Variants in TRAPPC10 observed in about 807,000 individuals in gnomAD.
TRAPPC10 encodes the protein trafficking protein particle complex subunit 10, also known as TRAPP 130 kDa subunit.
In TRAPPC10, 23 loss-of-function variants were observed where a neutral mutation model predicts 125.5. That is an observed-to-expected ratio of 0.18 (90% confidence interval 0.13 to 0.26). The LOEUF (loss-of-function observed/expected upper bound fraction) is 0.26. Among genes scored for constraint, TRAPPC10 ranks in the 10% least tolerant of loss-of-function variants. TRAPPC10 has a pLI of 1.00. For synonymous variants in TRAPPC10, 509 were observed against 518.0 expected (o/e 0.98, Z 0.24); for missense variants, 1,123 against 1,308.4 (o/e 0.86, Z 2.19).
At position 44,063,033 on chromosome 21, in the gene TRAPPC10, C is replaced by G; in HGVS notation, c.791-505C>G. 1 of 1,304,278 alleles carries G rather than the reference C, an allele frequency of 7.7e-7. No homozygotes were observed. Among genetic ancestry groups the G allele is most frequent in the Non-Finnish European group, 1.0e-6 (1 of 989,036 alleles). The allele number at this position is 1,304,278 out of a possible 1,614,324, so 80.8% of individuals were successfully genotyped here. On this transcript the variant is annotated intron_variant, in intron 6 of 22. Transcript: ENST00000291574. This position sits in a 1 kb window ranked among gnomAD's most constrained non-coding sequence, Gnocchi z 4.4. ...TCCTTCTATGTGCTGCTACCAAGTCCTCCCTGTCCCTTCCTCCAGGAGCTT... is the reference window on the plus strand; with the variant it reads ...TCCTTCTATGTGCTGCTACCAAGTCGTCCCTGTCCCTTCCTCCAGGAGCTT...
intron 5 of TRAPPC10, among the ~76,000 whole-genome samples, chr21:44,058,124 G>C (rs1301550486): frequency 6.6e-6 from 1 of 152,294 alleles, no homozygotes; most frequent in Non-Finnish European, 1.5e-5. Flanking sequence ...AGGAAGTGAC[G>C]CATATGCTAG....
At chr21:44,092,819 G>A (rs1202595960) in intron 19 of TRAPPC10, among the ~76,000 whole-genome samples, 3 of 151,882 alleles carry the variant, frequency 2.0e-5, no homozygotes, top group Admixed American at 6.6e-5. Flanking sequence ...TTTTTGAGAT[G>A]GAGTTTCGTT....
At chr21:44,037,392 GCAACCC>G (rs1371214523) in intron 2 of TRAPPC10, among the ~76,000 whole-genome samples, 4 of 152,174 alleles carry the variant, frequency 2.6e-5, no homozygotes, top group African/African-American at 9.7e-5. Flanking sequence ...AAATACGAAT[GCAACCC>G]TAAAGCTTTC....
intron 19 of TRAPPC10, among the ~76,000 whole-genome samples, chr21:44,092,770 A>AT (rs11431329): frequency 1 from 152,253 of 152,256 alleles, 76,125 homozygotes; most frequent in Non-Finnish European, 1. Flanking sequence ...GGATGTAAAG[A>AT]TTACTTTTTA....
At chr21:44,086,762 G>T (rs564387562) in intron 15 of TRAPPC10, 40 bp from the exon 16 acceptor site, 2 of 1,606,196 alleles carry the variant, frequency 1.2e-6, no homozygotes, top group South Asian at 1.1e-5. Flanking sequence ...GCTGTCTTCC[G>T]GTTGGCAGCG....
At chr21:44,080,151 A>G in intron 13 of TRAPPC10, 24 bp downstream of exon 13, 1 of 1,580,984 alleles carries the variant, frequency 6.3e-7, no homozygotes, top group South Asian at 1.1e-5. Context: ...TTACAACTTG[A>G]CTAGGAATAT....
chr21:44,075,069 G>A lies in TRAPPC10; in HGVS notation c.1216G>A (p.Val406Met). 6.2e-7 allele frequency: 1 copy of A among 1,614,160 alleles called. No individual in the cohort carries two copies. The highest frequency in any genetic ancestry group is 8.5e-7 in the Non-Finnish European group (1 of 1,179,996). Reference sequence around the variant, plus strand: ...GTCCTTGGGCTATCTATGTGGACTTGTGTCAGAGAAAGGACCTAACTCAGA... The same window carrying A: ...GTCCTTGGGCTATCTATGTGGACTTATGTCAGAGAAAGGACCTAACTCAGA... Reference protein sequence around the residue: ...LKSLGYLCGLVSEKGPNSEDL... With the variant: ...LKSLGYLCGLMSEKGPNSEDL... Residue 406 changes from valine to methionine, a missense_variant, in exon 9 of 23, where the codon GTG becomes ATG. By Grantham distance (21) the Val-to-Met change is conservative (BLOSUM62 1). This residue lies in a region of TRAPPC10 where 840 missense variants were observed against 902.0 expected (regional missense o/e 0.93). Coordinates refer to ENST00000291574, the MANE Select transcript of TRAPPC10 (RefSeq NM_003274.5).
At chr21:44,081,017 CTTTTTTTTTTT>C (rs67865929) in intron 13 of TRAPPC10, among the ~76,000 whole-genome samples, 99 of 97,228 alleles carry the variant, frequency 1.0e-3, no homozygotes, top group Non-Finnish European at 1.6e-3. Flanking sequence ...TTTTTTTTTT[CTTTTTTTTTTT>C]TTTTTTTTTG....
intron 7 of TRAPPC10, among the ~76,000 whole-genome samples, chr21:44,071,963 C>T (rs759391984): frequency 6.6e-6 from 1 of 152,188 alleles, no homozygotes; most frequent in Non-Finnish European, 1.5e-5. Flanking sequence ...CTCCCACCTC[C>T]TTCAGGATGG....
In TRAPPC10 at chr21:44,084,978, T is replaced by C. The variant is rs531794136; in HGVS notation, c.2380+715T>C. Among the ~76,000 whole-genome samples the C allele has an allele frequency of 2.0e-5, 3 of 152,350 alleles. No homozygotes were observed. The East Asian group carries it at 5.8e-4, about 29-fold the overall frequency. ...GGGCGCCACCCTCCAGGAACCTCCA[T>C]GTGTTCAGCTGCCTGAAAGCTCTCC... On this transcript the variant is annotated intron_variant, in intron 15 of 22. Coordinates refer to ENST00000291574, the MANE Select transcript of TRAPPC10 (RefSeq NM_003274.5).
chr21:44,067,390 T>C (rs1409936318), intron 7 of TRAPPC10, among the ~76,000 whole-genome samples: 1 of 152,160 alleles, frequency 6.6e-6, no homozygotes. Flanking sequence ...CCCGACACCC[T>C]GCTGGGTGGG....
rs550421198 is a variant in TRAPPC10 at position 44,061,197 on chromosome 21, C to T, written c.790+1983C>T. Among the ~76,000 whole-genome samples the T allele has an allele frequency of 2.2e-4, 34 of 151,934 alleles. 1 individual carries two copies. The South Asian group carries it at 6.9e-3, about 31-fold the overall frequency. ...TGTAGCCCAGGCTGGAGTGCAGTGGCGCCATCTCGGCTCACTGCAACCTCC... is the reference window on the plus strand; with the variant it reads ...TGTAGCCCAGGCTGGAGTGCAGTGGTGCCATCTCGGCTCACTGCAACCTCC... On this transcript the variant is annotated intron_variant, in intron 6 of 22. Coordinates refer to ENST00000291574, the MANE Select transcript of TRAPPC10 (RefSeq NM_003274.5).
chr21:44,032,236 T>C, intron 2 of TRAPPC10, 64 bp downstream of exon 2: 1 of 1,330,366 alleles, frequency 7.5e-7, no homozygotes, highest in South Asian at 1.2e-5. Context: ...GTACATGTTT[T>C]TAAATAAGTA....
intron 3 of TRAPPC10, chr21:44,047,062 A>G: frequency 1.4e-6 from 1 of 694,936 alleles, no homozygotes; most frequent in Non-Finnish European, 2.7e-6. Context: ...GCTGAAGCTC[A>G]AGCAAGCAAG....
intron 18 of TRAPPC10, among the ~76,000 whole-genome samples, chr21:44,090,420 T>C (rs771525592): frequency 1.3e-5 from 2 of 152,232 alleles, no homozygotes; most frequent in Non-Finnish European, 2.9e-5. Flanking sequence ...GGCTTTCCTG[T>C]GTGCTGTAGG....
chr21:44,074,620 C>A, intron 8 of TRAPPC10, 150 bp downstream of exon 8: 2 of 1,020,760 alleles, frequency 2.0e-6, no homozygotes, highest in Non-Finnish European at 2.8e-6. Context: ...TGGGTGCAGC[C>A]AAAGAAGTCA....
chr21:44,023,270 C>T (rs970030306), intron 1 of TRAPPC10, among the ~76,000 whole-genome samples: 8 of 151,830 alleles, frequency 5.3e-5, no homozygotes, highest in South Asian at 2.1e-4. Flanking sequence ...CTGACCTCGT[C>T]GTGATCCTCC....
In TRAPPC10 at chr21:44,063,704, C is replaced by T. The variant is rs760355512; in HGVS notation, c.957C>T (p.Leu319=). 1.9e-6 allele frequency: 3 copies of T among 1,614,184 alleles called. No individual in the cohort carries two copies. Among genetic ancestry groups the T allele is most frequent in the South Asian group, 1.1e-5 (1 of 91,082 alleles). Residue 319 remains leucine, a synonymous_variant, in exon 7 of 23, where the codon CTC becomes CTT. Transcript: ENST00000291574. This position sits in a 1 kb window ranked among gnomAD's most constrained non-coding sequence, Gnocchi z 4.4. ...YLFSRQCTLL[L]FLQRPWEVAQ... is the part of the protein sequence containing the mutation. Reference sequence around the variant, plus strand: ...TCTCTCGCCAGTGCACCTTGCTGCTCTTCCTGCAGAGGCCGTGGGAGGTGG... The same window carrying T: ...TCTCTCGCCAGTGCACCTTGCTGCTTTTCCTGCAGAGGCCGTGGGAGGTGG...
chr21:44,080,734 T>C (rs2037645311), intron 13 of TRAPPC10, among the ~76,000 whole-genome samples: 1 of 152,054 alleles, frequency 6.6e-6, no homozygotes, highest in Admixed American at 6.6e-5. Context: ...AGACAGTGTT[T>C]TGCTCTGTTG....
Sources: allele counts gnomAD v4.1 joint callset (sites outside exome capture counted in the v4.1 genomes callset), GRCh38; gene constraint gnomAD v4.1.1; regional missense constraint gnomAD v4.1.1; non-coding constraint Gnocchi (gnomAD v3.1); transcripts MANE v1.5; gene names NCBI Gene and HGNC (gene_info 2026-07-23, HGNC 2026-07-21).